ADAMTSL1: variants seen among roughly 807,000 people sequenced by gnomAD.
The protein encoded by ADAMTSL1 is ADAMTS-like protein 1.
Under a neutral mutation model 201.8 loss-of-function variants are expected in ADAMTSL1, and 126 were observed. The ratio of observed to expected loss-of-function variants is 0.62; its 90% confidence interval spans 0.54 to 0.72. The LOEUF (loss-of-function observed/expected upper bound fraction) is 0.72. Among genes scored for constraint, ADAMTSL1 ranks in the 30% least tolerant of loss-of-function variants. The probability of loss-of-function intolerance (pLI) is 0.00; values close to 1 mark genes in which losing one functional copy is unlikely to be tolerated. For missense variants in ADAMTSL1, 2,679 were observed against 2,277.8 expected (o/e 1.18, Z -3.59); for synonymous variants, 1,121 against 903.4 (o/e 1.24, Z -4.32).
chr9:18,533,438 T>A, intron 3 of ADAMTSL1, 146 bp downstream of exon 3: 1 of 488,254 alleles, frequency 2.0e-6, no homozygotes, highest in Non-Finnish European at 3.4e-6. Context: ...TATGCAGGAC[T>A]AAAATGATAT....
intron 15 of ADAMTSL1, among the ~76,000 whole-genome samples, chr9:18,743,110 T>G (rs1380161310): frequency 2.0e-5 from 3 of 152,158 alleles, no homozygotes; most frequent in African/African-American, 7.2e-5. Context: ...CATTTTAATG[T>G]GCTATCACTC....
rs1467295558 is a variant in ADAMTSL1, at chr9:18,910,572, A to ATAGT, written c.*2027_*2030dup. On this transcript the variant is annotated 3_prime_UTR_variant, in exon 29 of 29. Coordinates refer to ENST00000380548, the MANE Select transcript of ADAMTSL1 (RefSeq NM_001040272.6). Reference sequence around the variant, plus strand: ...TAAGAGGGAATTCATTTGTGGCATAATAGTTATGCATGGAATGATAAAGAC... The same window carrying ATAGT: ...TAAGAGGGAATTCATTTGTGGCATAATAGTTAGTTATGCATGGAATGATAAAGAC... 2.6e-5 allele frequency: 4 copies of ATAGT among 152,362 alleles called. No homozygotes were observed. Among genetic ancestry groups the ATAGT allele is most frequent in the Admixed American group, 2.0e-4 (3 of 15,306 alleles). The allele number at this position is 152,362 out of a possible 1,614,324, so 9.4% of individuals were successfully genotyped here.
intron 6 of ADAMTSL1, among the ~76,000 whole-genome samples, chr9:18,638,582 A>T (rs1227066600): frequency 1.3e-5 from 2 of 152,094 alleles, no homozygotes; most frequent in Non-Finnish European, 2.9e-5. Context: ...CATTGGCCAA[A>T]TCTGGATTTG....
At chr9:18,365,011 G>A (rs564886870) in intron 2 of ADAMTSL1, among the ~76,000 whole-genome samples, 7 of 152,094 alleles carry the variant, frequency 4.6e-5, no homozygotes, top group Admixed American at 4.6e-4. Context: ...AGATTGAGTG[G>A]GGACACAGAA....
chr9:18,398,694 G>T (rs1345723244), intron 2 of ADAMTSL1, among the ~76,000 whole-genome samples: 1 of 152,136 alleles, frequency 6.6e-6, no homozygotes, highest in South Asian at 2.1e-4. Context: ...TATTAGCAAT[G>T]ATTAGAGAGG....
Position 18,199,775 on chromosome 9 carries a change from A to G in ADAMTSL1, c.207+35794A>G, listed in dbSNP as rs545121493. Among the ~76,000 whole-genome samples, 3 of 152,260 alleles carry G rather than the reference A, an allele frequency of 2.0e-5. No homozygotes were observed. The East Asian group carries it at 5.8e-4, about 29-fold the overall frequency. ...CCAAGGTAGTTTGGTACAGGATGCA[A>G]GATTTATAAAATTCTTCATTATTGG... On this transcript the variant is annotated intron_variant, in intron 2 of 29. Transcript: ENST00000680146.
At chr9:18,857,866 C>T (rs1476308267) in intron 23 of ADAMTSL1, among the ~76,000 whole-genome samples, 1 of 152,144 alleles carries the variant, frequency 6.6e-6, no homozygotes, top group Non-Finnish European at 1.5e-5. Flanking sequence ...TAAGATGACT[C>T]ATATCTTTTG....
chr9:17,929,578 C>T (rs1235029250), intron 1 of ADAMTSL1, among the ~76,000 whole-genome samples: 1 of 152,160 alleles, frequency 6.6e-6, no homozygotes, highest in African/African-American at 2.4e-5. Context: ...CCCTTCTACC[C>T]AGGTGTCCTG....
intron 2 of ADAMTSL1, among the ~76,000 whole-genome samples, chr9:18,409,590 T>C (rs1818347986): frequency 6.6e-6 from 1 of 151,238 alleles, no homozygotes; most frequent in Non-Finnish European, 1.5e-5. Context: ...AAATTTTTGA[T>C]TATCACTTCT....
chr9:18,797,508 C>G (rs1476832609), intron 20 of ADAMTSL1, among the ~76,000 whole-genome samples: 1 of 152,076 alleles, frequency 6.6e-6, no homozygotes, highest in Non-Finnish European at 1.5e-5. Flanking sequence ...GGATACCCGG[C>G]TACCTAGAAT....
intron 1 of ADAMTSL1, among the ~76,000 whole-genome samples, chr9:17,935,325 T>G (rs565188479): frequency 6.6e-6 from 1 of 152,262 alleles, no homozygotes; most frequent in South Asian, 2.1e-4. Flanking sequence ...TCTTGGACAC[T>G]TTCATTTTTT....
intron 2 of ADAMTSL1, among the ~76,000 whole-genome samples, chr9:18,258,784 C>G (rs965895826): frequency 3.9e-5 from 6 of 152,188 alleles, no homozygotes; most frequent in African/African-American, 1.4e-4. Context: ...GGTTGTCTCT[C>G]ATCTTTCTCC....
At chr9:18,527,244 G>C (rs1197038446) in intron 2 of ADAMTSL1, among the ~76,000 whole-genome samples, 4 of 152,218 alleles carry the variant, frequency 2.6e-5, no homozygotes, top group African/African-American at 7.2e-5. Context: ...ACCCATTCTT[G>C]CTTAGCAACA....
intron 1 of ADAMTSL1, among the ~76,000 whole-genome samples, chr9:18,498,113 T>C (rs1328623126): frequency 6.6e-6 from 1 of 151,310 alleles, no homozygotes; most frequent in Non-Finnish European, 1.5e-5. Context: ...GAAAGAAAGG[T>C]CAAAATATGA....
intron 3 of ADAMTSL1, among the ~76,000 whole-genome samples, chr9:18,546,335 C>G (rs1449643233): frequency 6.6e-6 from 1 of 152,020 alleles, no homozygotes. Flanking sequence ...TTTTTAGAGA[C>G]AGGATCTTGC....
chr9:18,836,958 T>C (rs1825349009), intron 23 of ADAMTSL1, among the ~76,000 whole-genome samples: 2 of 152,214 alleles, frequency 1.3e-5, no homozygotes, highest in Non-Finnish European at 2.9e-5. Flanking sequence ...ACATTGATTC[T>C]GTATCCTGAA....
At chr9:18,642,320 G>C (rs1276309377) in intron 7 of ADAMTSL1, among the ~76,000 whole-genome samples, 1 of 151,682 alleles carries the variant, frequency 6.6e-6, no homozygotes, top group Non-Finnish European at 1.5e-5. Flanking sequence ...TAATTAATGA[G>C]TAAAAACTAG....
intron 23 of ADAMTSL1, among the ~76,000 whole-genome samples, chr9:18,854,717 A>G (rs1163703021): frequency 1.3e-5 from 2 of 152,182 alleles, no homozygotes; most frequent in East Asian, 1.9e-4. Flanking sequence ...AGAAATTAAC[A>G]TAATAAGCCT....
intron 2 of ADAMTSL1, among the ~76,000 whole-genome samples, chr9:18,181,065 G>C (rs1327140826): frequency 6.6e-6 from 1 of 152,066 alleles, no homozygotes; most frequent in Non-Finnish European, 1.5e-5. Context: ...AATGGTGCTG[G>C]GAAAACTGGC....
Sources: allele counts gnomAD v4.1 joint callset (sites outside exome capture counted in the v4.1 genomes callset), GRCh38; gene constraint gnomAD v4.1.1; transcripts MANE v1.5; gene names NCBI Gene and HGNC (gene_info 2026-07-23, HGNC 2026-07-21).